The following PAK6 variants were observed in gnomAD, a reference collection of about 807,000 sequenced individuals.
PAK6 encodes the protein p21 (RAC1) activated kinase 6, also known as serine/threonine-protein kinase PAK 6.
Under a neutral mutation model 60.8 loss-of-function variants are expected in PAK6, and 33 were observed. That is an observed-to-expected ratio of 0.54 (90% CI 0.41 to 0.73). PAK6 has a LOEUF of 0.73. PAK6 is among the 30% of genes least tolerant of loss of function. PAK6 has a pLI of 0.00. For synonymous variants in PAK6, 404 were observed against 378.5 expected (o/e 1.07, Z -0.78); for missense variants, 845 against 904.1 (o/e 0.93, Z 0.84).
chr15:40,266,259 C>A lies in PAK6; in HGVS notation c.622C>A (p.Pro208Thr), dbSNP rs35501648. ...GCAGAGCTCCCCACCAGGAGCCTCG[C>A]CCCCCACGGGCACCAATAGGCATGG... Residue 208 changes from proline to threonine, a missense_variant, in exon 5 of 11, where the codon CCC (proline) becomes ACC (threonine). Pro to Thr is a conservative substitution (Grantham distance 38, BLOSUM62 -1). Coordinates refer to ENST00000560346, the Ensembl canonical transcript of PAK6. The A allele has an allele frequency of 1.2e-3, 1,907 of 1,610,704 alleles. 28 individuals are homozygous for A. The African/African-American group carries it at 0.021, about 18-fold the overall frequency.
In PAK6 at chr15:40,272,860, C is replaced by T. The variant is rs772115269; in HGVS notation, c.1357-6C>T. On this transcript the variant is annotated splice_polypyrimidine_tract_variant and splice_region_variant and intron_variant, in intron 6 of 10. Transcript: ENST00000560346. The stretch of plus-strand genomic sequence containing the variant: ...GCCTGGCACTCAGGCCCCCGCCTGC[C>T]CCCAGGTGGTGATCATGCGGGACTA... The T allele has an allele frequency of 2.1e-5, 34 of 1,613,026 alleles. No individual in the cohort carries two copies. Among genetic ancestry groups the T allele is most frequent in the Non-Finnish European group, 2.9e-5 (34 of 1,179,586 alleles).
At chr15:40,271,161 A>AAAAAC (rs1410927109) in intron 5 of PAK6, among the ~76,000 whole-genome samples, 1 of 152,210 alleles carries the variant, frequency 6.6e-6, no homozygotes, top group Non-Finnish European at 1.5e-5. Context: ...GGTGCCCTTT[A>AAAAAC]AAAACACGTA....
intron 2 of PAK6, among the ~76,000 whole-genome samples, chr15:40,242,338 A>G (rs1004874819): frequency 2.0e-5 from 3 of 152,256 alleles, no homozygotes; most frequent in African/African-American, 7.2e-5. Context: ...TGGGTGCAGA[A>G]GGCAGGAAGG....
intron 3 of PAK6, chr15:40,264,552 G>A (rs555559432): frequency 3.0e-5 from 19 of 629,628 alleles, no homozygotes; most frequent in Admixed American, 2.4e-4. Flanking sequence ...TCTTTTCCTT[G>A]TTTATAGTCT....
chr15:40,243,467 A>T (rs2097148480), intron 2 of PAK6, among the ~76,000 whole-genome samples: 1 of 152,218 alleles, frequency 6.6e-6, no homozygotes, highest in Admixed American at 6.5e-5. Context: ...GGATTAAATA[A>T]GATAATAAGT....
chr15:40,265,095 T>C (rs2039085495), intron 4 of PAK6, 106 bp downstream of exon 4: 5 of 1,002,644 alleles, frequency 5.0e-6, no homozygotes, highest in Non-Finnish European at 7.3e-6. Context: ...ACTTCACAGC[T>C]ATCAGTTAAT....
intron 5 of PAK6, among the ~76,000 whole-genome samples, chr15:40,268,070 C>T (rs2039196044): frequency 6.6e-6 from 1 of 152,214 alleles, no homozygotes; most frequent in South Asian, 2.1e-4. Flanking sequence ...TGGGCCACTG[C>T]TGCTGGGTAT....
chr15:40,253,892 T>C (rs572733251), intron 3 of PAK6, among the ~76,000 whole-genome samples: 3 of 152,250 alleles, frequency 2.0e-5, no homozygotes, highest in Non-Finnish European at 2.9e-5. Flanking sequence ...TGGTGGTTTT[T>C]TGGGGGCTTT....
chr15:40,272,397 C>A, exon 6 of PAK6: 1 of 1,613,602 alleles, frequency 6.2e-7, no homozygotes, highest in Non-Finnish European at 8.5e-7. Context: ...AGCTTCCAGG[C>A]CGGTCTTCCC....
rs535586550 is a variant in PAK6, at chr15:40,253,825, C to G, written c.-6+536C>G. On this transcript the variant is annotated intron_variant, in intron 3 of 10. Coordinates refer to ENST00000560346, the Ensembl canonical transcript of PAK6. ...TAGGTGCTGCTGGGAGCACTGGAGG[C>G]TAAGCCATGAAGAGCTCCCAGGGTG... 2.5e-3 allele frequency among the ~76,000 whole-genome samples: 381 copies of G among 152,332 alleles called. 3 individuals carry two copies. The highest frequency in any genetic ancestry group is 3.7e-3 in the Non-Finnish European group (251 of 68,038).
chr15:40,276,511 A>C, exon 11 of PAK6: 1 of 164,212 alleles, frequency 6.1e-6, no homozygotes, highest in Non-Finnish European at 1.3e-5. Flanking sequence ...CCAGCTTCAA[A>C]CCTCGAGTCT....
intron 3 of PAK6, chr15:40,263,951 G>C: frequency 2.2e-6 from 1 of 456,014 alleles, no homozygotes; most frequent in Non-Finnish European, 4.4e-6. Flanking sequence ...CAATACCAGA[G>C]AGAAGAGTGT....
exon 5 of PAK6, chr15:40,265,861 C>T (rs1162257290): frequency 4.5e-6 from 7 of 1,546,618 alleles, no homozygotes; most frequent in South Asian, 2.5e-5. Flanking sequence ...CGGGGCAGCG[C>T]GATGCCTGTG....
intron 5 of PAK6, 100 bp downstream of exon 5, chr15:40,266,595 C>G: frequency 8.1e-7 from 1 of 1,231,968 alleles, no homozygotes; most frequent in Non-Finnish European, 1.1e-6. Context: ...AAGAGGCTCC[C>G]TGGACTGCTT....
At chr15:40,274,404 T>C in intron 10 of PAK6, 128 bp downstream of exon 10, 1 of 1,020,278 alleles carries the variant, frequency 9.8e-7, no homozygotes. Flanking sequence ...AAAAGGCTCC[T>C]CTTTCCCCAC....
chr15:40,275,280 G>GTTTTCTTTTTC (rs1448905930), intron 10 of PAK6, among the ~76,000 whole-genome samples: 1 of 56,486 alleles, frequency 1.8e-5, no homozygotes, highest in African/African-American at 7.2e-5. Context: ...GTTGTTGTTG[G>GTTTTCTTTTTC]TTTTTTTTTT....
intron 5 of PAK6, 48 bp from the exon 6 acceptor site, chr15:40,272,176 C>G (rs775855087): frequency 5.1e-6 from 8 of 1,560,518 alleles, no homozygotes; most frequent in South Asian, 1.2e-5. Context: ...GAAGGTTATT[C>G]CAAATGCTCC....
At chr15:40,253,104 G>A in intron 2 of PAK6, 74 bp from the exon 3 acceptor site, 1 of 421,310 alleles carries the variant, frequency 2.4e-6, no homozygotes, top group Non-Finnish European at 4.8e-6. Context: ...GCGCCTGGAC[G>A]TCAGCCAGTC....
At chr15:40,272,456 T>C in exon 6 of PAK6, 1 of 1,613,690 alleles carries the variant, frequency 6.2e-7, no homozygotes, top group Non-Finnish European at 8.5e-7. Flanking sequence ...ACCAGCAACC[T>C]GTACCTGCCC....
Sources: gnomAD v4.1 joint callset for allele counts (sites outside exome capture counted in the v4.1 genomes callset) on GRCh38, gnomAD v4.1.1 for gene constraint, MANE v1.5 for transcripts, NCBI Gene and HGNC (gene_info 2026-07-23, HGNC 2026-07-21) for gene names.